The following KCNIP4 variants were observed in gnomAD, a reference collection of about 807,000 sequenced individuals.
KCNIP4 encodes the protein Kv channel-interacting protein 4.
In KCNIP4, 12 loss-of-function variants were observed where a neutral mutation model predicts 34.0. The observed-to-expected ratio is 0.35, with a 90% confidence interval of 0.23 to 0.57. The LOEUF (loss-of-function observed/expected upper bound fraction) is 0.57, where lower values mean the gene tolerates loss of function less well. KCNIP4 is among the 20% of genes least tolerant of loss of function. KCNIP4 has a pLI of 0.83. For synonymous variants in KCNIP4, 124 were observed against 102.2 expected (o/e 1.21, Z -1.29); for missense variants, 238 against 311.7 (o/e 0.76, Z 1.78).
chr4:21,842,788 T>G (rs750587855), intron 1 of KCNIP4, among the ~76,000 whole-genome samples: 20 of 152,094 alleles, frequency 1.3e-4, no homozygotes, highest in Non-Finnish European at 2.6e-4. Context: ...CAACGATTAT[T>G]AATGTAGGGC....
intron 1 of KCNIP4, among the ~76,000 whole-genome samples, chr4:21,608,529 C>T (rs186129685): frequency 1.2e-4 from 18 of 152,304 alleles, no homozygotes; most frequent in Non-Finnish European, 2.2e-4. Context: ...CATCAAACTT[C>T]TCTGACTCTT....
chr4:21,083,491 C>A (rs1746178515), intron 1 of KCNIP4, among the ~76,000 whole-genome samples: 1 of 151,706 alleles, frequency 6.6e-6, no homozygotes, highest in Admixed American at 6.6e-5. Flanking sequence ...TCACATGTAT[C>A]CCTTTAAAAG....
intron 1 of KCNIP4, among the ~76,000 whole-genome samples, chr4:21,166,903 C>T (rs1753664020): frequency 8.0e-6 from 1 of 124,600 alleles, no homozygotes; most frequent in Non-Finnish European, 1.6e-5. Context: ...CACGCCATTG[C>T]ACTCCAGCCT....
At chr4:21,551,739 A>C (rs1738601055) in intron 1 of KCNIP4, among the ~76,000 whole-genome samples, 1 of 152,100 alleles carries the variant, frequency 6.6e-6, no homozygotes, top group Admixed American at 6.6e-5. Flanking sequence ...CTGGATCTTT[A>C]GACCTTAGTT....
intron 1 of KCNIP4, among the ~76,000 whole-genome samples, chr4:21,887,605 C>A (rs1726853741): frequency 6.6e-6 from 1 of 152,108 alleles, no homozygotes; most frequent in Admixed American, 6.6e-5. Flanking sequence ...TTGTTTCAGA[C>A]ACAGAAACTT....
chr4:21,325,430 A>G (rs1256016736), intron 1 of KCNIP4, among the ~76,000 whole-genome samples: 1 of 151,598 alleles, frequency 6.6e-6, no homozygotes, highest in Non-Finnish European at 1.5e-5. Context: ...GAATTTCTGA[A>G]TCATCAGTTA....
chr4:21,474,791 T>G (rs1388723951), intron 1 of KCNIP4, among the ~76,000 whole-genome samples: 1 of 151,988 alleles, frequency 6.6e-6, no homozygotes, highest in East Asian at 1.9e-4. Context: ...GGTCAGCAGT[T>G]TGAGACCAGC....
chr4:21,936,435 C>T (rs1213574696), intron 1 of KCNIP4, among the ~76,000 whole-genome samples: 1 of 152,112 alleles, frequency 6.6e-6, no homozygotes, highest in Non-Finnish European at 1.5e-5. Context: ...TCAATTAAAC[C>T]TCTTTCCTTT....
intron 2 of KCNIP4, among the ~76,000 whole-genome samples, chr4:20,852,316 T>C (rs1721124519): frequency 6.6e-6 from 1 of 152,064 alleles, no homozygotes; most frequent in Non-Finnish European, 1.5e-5. Context: ...GCAGGGATGG[T>C]TTAACATACG....
chr4:21,143,191 C>A (rs566345461), intron 1 of KCNIP4, among the ~76,000 whole-genome samples: 1 of 152,154 alleles, frequency 6.6e-6, no homozygotes, highest in Non-Finnish European at 1.5e-5. Context: ...AGATTATCTA[C>A]ATAAACTTAA....
At chr4:21,385,585 A>C (rs1721956056) in intron 1 of KCNIP4, among the ~76,000 whole-genome samples, 1 of 152,204 alleles carries the variant, frequency 6.6e-6, no homozygotes, top group Non-Finnish European at 1.5e-5. Context: ...TAAAACATAT[A>C]GAATGATTGC....
At chr4:21,131,503 A>AGGAGATT (rs1262087893) in intron 1 of KCNIP4, among the ~76,000 whole-genome samples, 2 of 152,144 alleles carry the variant, frequency 1.3e-5, no homozygotes, top group Non-Finnish European at 2.9e-5. Context: ...CCAGCTACTC[A>AGGAGATT]GGAGATTGAG....
At chr4:20,815,340 C>A (rs950526232) in intron 3 of KCNIP4, among the ~76,000 whole-genome samples, 11 of 152,112 alleles carry the variant, frequency 7.2e-5, no homozygotes, top group African/African-American at 1.9e-4. Flanking sequence ...CATTTAAGAG[C>A]ACATTTTAGG....
At position 21,607,029 on chromosome 4, in the gene KCNIP4, CTT is replaced by C. The variant is rs200444774; in HGVS notation, c.61+341540_61+341541del. On this transcript the variant is annotated intron_variant, in intron 1 of 8. Transcript: ENST00000382152. Reference sequence around the variant, plus strand: ...ATCTTAATGTCAGCTAATTAGCAACCTTTTTTTTTTTTTATAATGTAGCAAAA... The same window carrying C: ...ATCTTAATGTCAGCTAATTAGCAACCTTTTTTTTTTTATAATGTAGCAAAA... Among the ~76,000 whole-genome samples, 373 of 148,506 alleles carry C rather than the reference CTT, an allele frequency of 2.5e-3. 1 individual carries two copies. The highest frequency in any genetic ancestry group is 7.9e-3 in the African/African-American group (317 of 40,376).
At chr4:20,926,811 G>T (rs1384946360) in intron 1 of KCNIP4, among the ~76,000 whole-genome samples, 3 of 152,098 alleles carry the variant, frequency 2.0e-5, no homozygotes, top group Admixed American at 2.0e-4. Context: ...TTACTATATG[G>T]TATTTGTGCT....
intron 1 of KCNIP4, among the ~76,000 whole-genome samples, chr4:21,803,448 C>T (rs913136476): frequency 6.6e-6 from 1 of 152,190 alleles, no homozygotes; most frequent in African/African-American, 2.4e-5. Flanking sequence ...TTGTACAATG[C>T]ACTGTGATGT....
intron 1 of KCNIP4, among the ~76,000 whole-genome samples, chr4:21,283,239 T>C (rs1762892176): frequency 6.6e-6 from 1 of 152,100 alleles, no homozygotes; most frequent in Non-Finnish European, 1.5e-5. Context: ...TGTCCTAAAA[T>C]TGGTTAGATA....
chr4:21,117,141 C>T (rs1156825498), intron 1 of KCNIP4, among the ~76,000 whole-genome samples: 14 of 151,990 alleles, frequency 9.2e-5, no homozygotes. Flanking sequence ...GCAGGTTGCT[C>T]AGTTAATAAG....
At chr4:21,339,062 T>G (rs1716471416) in intron 1 of KCNIP4, among the ~76,000 whole-genome samples, 1 of 152,140 alleles carries the variant, frequency 6.6e-6, no homozygotes, top group Non-Finnish European at 1.5e-5. Flanking sequence ...AGGAAGTAAG[T>G]CCTTGATTCC....
Sources: allele counts gnomAD v4.1 joint callset (sites outside exome capture counted in the v4.1 genomes callset), GRCh38; gene constraint gnomAD v4.1.1; transcripts MANE v1.5; gene names NCBI Gene and HGNC (gene_info 2026-07-23, HGNC 2026-07-21).